The following DLGAP2 variants were observed in gnomAD, a reference collection of about 807,000 sequenced individuals.
DLGAP2 encodes DLG associated protein 2.
DLGAP2 carries 26 observed loss-of-function variants against 100.3 expected under a neutral mutation model. That is an observed-to-expected ratio of 0.26 (90% CI 0.19 to 0.36). The LOEUF is 0.36. DLGAP2 is among the 10% of genes least tolerant of loss of function. The pLI, the probability that DLGAP2 is intolerant of heterozygous loss-of-function variation, is 1.00. For synonymous variants in DLGAP2, 886 were observed against 630.1 expected, an observed-to-expected ratio of 1.41 and a Z score of -6.08; for missense variants, 1,858 against 1,453.2, an observed-to-expected ratio of 1.28 and a Z score of -4.53.
intron 2 of DLGAP2, among the ~76,000 whole-genome samples, chr8:1,206,011 C>G (rs1348922809): frequency 6.6e-6 from 1 of 152,134 alleles, no homozygotes; most frequent in Non-Finnish European, 1.5e-5. Context: ...GAAGAGTGAC[C>G]TTGGGGATTT....
intron 2 of DLGAP2, among the ~76,000 whole-genome samples, chr8:1,197,087 C>A (rs562046079): frequency 6.6e-6 from 1 of 152,130 alleles, no homozygotes; most frequent in African/African-American, 2.4e-5. Context: ...CCTTTCTCCA[C>A]CTTTTTGTTC....
chr8:1,264,877 G>A (rs776196026), intron 3 of DLGAP2, among the ~76,000 whole-genome samples: 6 of 152,242 alleles, frequency 3.9e-5, no homozygotes, highest in Non-Finnish European at 5.9e-5. Flanking sequence ...TTCCCGTGCT[G>A]TTCTCGTGAT....
At chr8:1,193,226 T>C (rs904297675) in intron 2 of DLGAP2, among the ~76,000 whole-genome samples, 5 of 152,332 alleles carry the variant, frequency 3.3e-5, no homozygotes, top group African/African-American at 1.2e-4. Flanking sequence ...TTTCTAGTTC[T>C]AGATCCTTGA....
At chr8:1,375,014 G>A (rs1419410040) in intron 3 of DLGAP2, among the ~76,000 whole-genome samples, 2 of 152,156 alleles carry the variant, frequency 1.3e-5, no homozygotes, top group Non-Finnish European at 2.9e-5. Flanking sequence ...ACAGCAGGTG[G>A]TCACTGGGGA....
chr8:1,292,261 C>A (rs915613423), intron 3 of DLGAP2, among the ~76,000 whole-genome samples: 1 of 152,228 alleles, frequency 6.6e-6, no homozygotes, highest in East Asian at 1.9e-4. Flanking sequence ...TGGGTTCCCT[C>A]TGCCCTGGCT....
intron 13 of DLGAP2, among the ~76,000 whole-genome samples, chr8:1,695,190 C>T (rs1395232655): frequency 1.3e-5 from 2 of 150,276 alleles, no homozygotes; most frequent in African/African-American, 2.5e-5. Flanking sequence ...CCCACACCAT[C>T]AGGCACAGCC....
At chr8:1,264,088 A>T (rs933325757) in intron 3 of DLGAP2, among the ~76,000 whole-genome samples, 1 of 152,198 alleles carries the variant, frequency 6.6e-6, no homozygotes, top group African/African-American at 2.4e-5. Context: ...CCCCTGTCCC[A>T]TGCCCACTAA....
chr8:1,587,573 A>G (rs191073761), intron 6 of DLGAP2, among the ~76,000 whole-genome samples: 222 of 152,360 alleles, frequency 1.5e-3, no homozygotes, highest in African/African-American at 4.8e-3. Flanking sequence ...ATATTGATAG[A>G]TGATGCTTTT....
intron 5 of DLGAP2, among the ~76,000 whole-genome samples, chr8:1,559,816 C>T (rs758659048): frequency 5.8e-4 from 89 of 152,344 alleles, no homozygotes; most frequent in Non-Finnish European, 3.2e-4. Context: ...CCCCCGTGCC[C>T]AGGAACTGGG....
chr8:1,674,038 G>GGTT (rs1360217587), intron 10 of DLGAP2, among the ~76,000 whole-genome samples: 1 of 152,038 alleles, frequency 6.6e-6, no homozygotes, highest in Admixed American at 6.6e-5. Flanking sequence ...GCATTCTTGA[G>GGTT]GTTATCTTTA....
intron 3 of DLGAP2, among the ~76,000 whole-genome samples, chr8:1,374,819 G>C (rs752004191): frequency 2.0e-4 from 30 of 152,330 alleles, no homozygotes; most frequent in Non-Finnish European, 4.0e-4. Flanking sequence ...TCCAAGCAGA[G>C]GCCACTCAGG....
intron 3 of DLGAP2, among the ~76,000 whole-genome samples, chr8:1,479,102 G>C (rs1452129678): frequency 6.6e-6 from 1 of 152,268 alleles, no homozygotes; most frequent in Non-Finnish European, 1.5e-5. Context: ...GTGGAGCAGG[G>C]TGAGCCCAGG....
At chr8:1,623,857 T>G (rs1362868468) in intron 6 of DLGAP2, among the ~76,000 whole-genome samples, 2 of 152,264 alleles carry the variant, frequency 1.3e-5, no homozygotes, top group African/African-American at 4.8e-5. Flanking sequence ...TTAGCTATTG[T>G]GAGTCTATGT....
intron 6 of DLGAP2, among the ~76,000 whole-genome samples, chr8:1,599,091 A>G (rs909225545): frequency 6.6e-6 from 1 of 152,158 alleles, no homozygotes; most frequent in African/African-American, 2.4e-5. Context: ...GGTTCCAAAG[A>G]ACTTATTTAT....
intron 1 of DLGAP2, among the ~76,000 whole-genome samples, chr8:810,804 A>G (rs1026864420): frequency 6.6e-6 from 1 of 152,124 alleles, no homozygotes; most frequent in African/African-American, 2.4e-5. Flanking sequence ...CCAGAGCTCA[A>G]TTTCTGTCTG....
At chr8:1,245,738 C>G (rs28582003) in intron 2 of DLGAP2, among the ~76,000 whole-genome samples, 13 of 151,996 alleles carry the variant, frequency 8.6e-5, no homozygotes, top group Non-Finnish European at 1.9e-4. Context: ...TGAATGATAT[C>G]TGAATAAAGC....
chr8:1,617,510 C>A (rs13249878), intron 6 of DLGAP2, among the ~76,000 whole-genome samples: 46,969 of 152,130 alleles, frequency 0.31, 8,383 homozygotes, highest in African/African-American at 0.5. Context: ...TGCTTGTTGG[C>A]CACATGTATG....
At chr8:907,659 C>G (rs1271729718) in intron 1 of DLGAP2, among the ~76,000 whole-genome samples, 1 of 152,188 alleles carries the variant, frequency 6.6e-6, no homozygotes, top group African/African-American at 2.4e-5. Flanking sequence ...TAGGGGCATC[C>G]ATTAAACCCG....
At chr8:1,652,780 G>A (rs991324825) in intron 8 of DLGAP2, among the ~76,000 whole-genome samples, 15 of 152,228 alleles carry the variant, frequency 9.9e-5, no homozygotes, top group Non-Finnish European at 1.3e-4. Flanking sequence ...AATAACATGC[G>A]AGACAGACAG....
Sources: allele counts gnomAD v4.1 joint callset (sites outside exome capture counted in the v4.1 genomes callset), GRCh38; gene constraint gnomAD v4.1.1; transcripts MANE v1.5; gene names NCBI Gene and HGNC (gene_info 2026-07-23, HGNC 2026-07-21).